The following PLEKHG4B variants were observed in gnomAD, a reference collection of about 807,000 sequenced individuals.
PLEKHG4B encodes pleckstrin homology domain-containing family G member 4B.
PLEKHG4B carries 111 observed loss-of-function variants against 121.3 expected under a neutral mutation model. That is an observed-to-expected ratio of 0.92 (90% CI 0.78 to 1.07). PLEKHG4B has a LOEUF of 1.07. PLEKHG4B is among the 50% of genes least tolerant of loss of function. The pLI is 0.00. For synonymous variants in PLEKHG4B, 738 were observed against 725.0 expected, an observed-to-expected ratio of 1.02 and a Z score of -0.29; for missense variants, 1,831 against 1,757.8, an observed-to-expected ratio of 1.04 and a Z score of -0.74.
At chr5:95,495 C>T (rs1286711449) in intron 1 of PLEKHG4B, among the ~76,000 whole-genome samples, 1 of 152,202 alleles carries the variant, frequency 6.6e-6, no homozygotes, top group Non-Finnish European at 1.5e-5. Context: ...TGCCAGATCT[C>T]GTTTACCCGG....
chr5:110,412 C>T (rs1270444684), intron 1 of PLEKHG4B, among the ~76,000 whole-genome samples: 6 of 150,482 alleles, frequency 4.0e-5, no homozygotes, highest in Non-Finnish European at 1.5e-5. Flanking sequence ...CACACACCCA[C>T]ACAATCTGCA....
intron 12 of PLEKHG4B, 96 bp downstream of exon 12, chr5:162,040 G>A: frequency 7.0e-7 from 1 of 1,436,690 alleles, no homozygotes; most frequent in East Asian, 2.5e-5. Flanking sequence ...AGTGGGCCAG[G>A]CTGTGGGACA....
Position 172,953 on chromosome 5 carries a change from C to A in PLEKHG4B, c.4107C>A (p.Cys1369Ter). ...LRCRDEFIVCCGRKKYLRHVF... is the reference protein window; with the variant it reads ...LRCRDEFIVC ...GCCGGGATGAGTTTATCGTTTGCTG[C>A]GGGAGGAAGAAGTATCTGAGGCATG... Residue 1369 changes from cysteine to a stop codon, truncating the protein, a stop_gained, in exon 17 of 20, where the codon TGC (cysteine) becomes TGA (stop). Coordinates refer to ENST00000637938, the MANE Select transcript of PLEKHG4B (RefSeq NM_052909.5). LOFTEE classifies it high-confidence loss of function. 1 of 1,614,092 alleles carries A rather than the reference C, an allele frequency of 6.2e-7. No homozygotes were observed. Among genetic ancestry groups the A allele is most frequent in the Non-Finnish European group, 8.5e-7 (1 of 1,180,014 alleles).
At chr5:105,537 A>G (rs1277109202) in intron 1 of PLEKHG4B, among the ~76,000 whole-genome samples, 1 of 152,222 alleles carries the variant, frequency 6.6e-6, no homozygotes, top group Non-Finnish European at 1.5e-5. Context: ...CATGCATGGC[A>G]GTGGTTTGGG....
chr5:150,608 AT>A (rs1167875568), intron 6 of PLEKHG4B, among the ~76,000 whole-genome samples: 1 of 152,226 alleles, frequency 6.6e-6, no homozygotes, highest in African/African-American at 2.4e-5. Flanking sequence ...CCAATAAAAT[AT>A]GGGAAAGGAT....
rs4956925 is a variant in PLEKHG4B at position 184,221 on chromosome 5, G to A, written c.*1898G>A. The A allele has an allele frequency of 0.67, 102,080 of 152,070 alleles. 34,926 individuals carry two copies. The highest frequency in any genetic ancestry group is 0.71 in the Non-Finnish European group (48,545 of 67,994). The allele number at this position is 152,070 out of a possible 1,614,324, so 9.4% of individuals were successfully genotyped here. A position where few individuals can be genotyped will look rare whatever the true frequency, so the allele number is the denominator to read the frequency against. ...AGAGGCCAAAGGCCTGAGAACCTGG[G>A]GGCCACTGGTATAAGTCTGAGTCCA... On this transcript the variant is annotated 3_prime_UTR_variant, in exon 20 of 20. Coordinates refer to ENST00000637938, the MANE Select transcript of PLEKHG4B (RefSeq NM_052909.5).
chr5:169,373 C>T lies in PLEKHG4B; in HGVS notation c.3510C>T (p.Ile1170=), dbSNP rs547910681. 26 of 1,614,088 alleles carry T rather than the reference C, an allele frequency of 1.6e-5. No individual in the cohort carries two copies. In the Admixed American group the frequency reaches 1.8e-4, roughly 11 times the overall value. Residue 1170 remains isoleucine, a synonymous_variant, in exon 14 of 20, where the codon ATC becomes ATT. Transcript: ENST00000637938. Reference sequence around the variant, plus strand: ...TGAGGCACATCATGGCCGAGATGATCGCCACAGAGAGGGAGTACATTCGGT... The same window carrying T: ...TGAGGCACATCATGGCCGAGATGATTGCCACAGAGAGGGAGTACATTCGGT... The part of the protein sequence containing the change: ...SRLRHIMAEM[I]ATEREYIRCL...
At chr5:146,741 C>T (rs1192125499) in intron 6 of PLEKHG4B, among the ~76,000 whole-genome samples, 1 of 145,502 alleles carries the variant, frequency 6.9e-6, no homozygotes, top group Non-Finnish European at 1.5e-5. Flanking sequence ...CTCCCCTGGC[C>T]CTACAGTCCT....
rs147854937 is a variant in PLEKHG4B, at chr5:172,038, C to T, written c.4050+594C>T. ...CTGAGAAATGGCCGGTGCGTGGGGG[C>T]GCTGGCTCCACTCTGGCCTGGGATG... On this transcript the variant is annotated intron_variant, in intron 16 of 19. Coordinates refer to ENST00000637938, the MANE Select transcript of PLEKHG4B (RefSeq NM_052909.5). Among the ~76,000 whole-genome samples the T allele has an allele frequency of 5.4e-3, 823 of 152,316 alleles. 7 individuals carry two copies. Among genetic ancestry groups the T allele is most frequent in the African/African-American group, 0.019 (788 of 41,570 alleles).
intron 2 of PLEKHG4B, among the ~76,000 whole-genome samples, chr5:128,336 T>C (rs1560912179): frequency 6.6e-6 from 1 of 152,192 alleles, no homozygotes; most frequent in African/African-American, 2.4e-5. Flanking sequence ...CAGAGTCAGA[T>C]TGGAAAGTCA....
intron 13 of PLEKHG4B, among the ~76,000 whole-genome samples, chr5:164,864 TCACAGTAATGCTCTGACGGGG>T (rs1560945589): frequency 3.1e-5 from 3 of 95,662 alleles, no homozygotes; most frequent in African/African-American, 9.5e-5. Context: ...GGGGCGGGGC[TCACAGTAATGCTCTGACGGGG>T]CGGAGCTCAC....
At chr5:163,699 A>G in intron 13 of PLEKHG4B, 151 bp downstream of exon 13, 1 of 720,690 alleles carries the variant, frequency 1.4e-6, no homozygotes, top group South Asian at 2.0e-5. Context: ...GAAGAAACAC[A>G]ATTTTAAACT....
intron 2 of PLEKHG4B, among the ~76,000 whole-genome samples, chr5:138,147 G>A (rs955878026): frequency 2.0e-5 from 3 of 152,134 alleles, no homozygotes; most frequent in East Asian, 1.9e-4. Flanking sequence ...CCTGGGACCC[G>A]CCCCCCACCG....
At chr5:101,167 T>A (rs899655735) in intron 1 of PLEKHG4B, among the ~76,000 whole-genome samples, 5 of 116,758 alleles carry the variant, frequency 4.3e-5, no homozygotes, top group Admixed American at 8.1e-5. Flanking sequence ...GTTGTGAGGT[T>A]AATCCATATA....
At chr5:123,780 C>CT (rs1227356293) in intron 2 of PLEKHG4B, among the ~76,000 whole-genome samples, 2 of 152,064 alleles carry the variant, frequency 1.3e-5, no homozygotes, top group Non-Finnish European at 2.9e-5. Flanking sequence ...GGTTTGTCAA[C>CT]TTTTTTTATC....
At chr5:96,409 T>C (rs1733628397) in intron 1 of PLEKHG4B, among the ~76,000 whole-genome samples, 1 of 152,266 alleles carries the variant, frequency 6.6e-6, no homozygotes, top group Non-Finnish European at 1.5e-5. Context: ...GAAATTATTT[T>C]CAAGTTGTTT....
intron 1 of PLEKHG4B, among the ~76,000 whole-genome samples, chr5:93,734 C>T (rs542825251): frequency 4.3e-4 from 66 of 152,316 alleles, no homozygotes; most frequent in African/African-American, 1.5e-3. Flanking sequence ...TTTGTGGGAT[C>T]TGTGGCACTG....
chr5:173,087 A>C lies in PLEKHG4B; in HGVS notation c.4221+20A>C. Reference sequence around the variant, plus strand: ...TTCAAGGTAGCACCCGCCCGGTCCGATTGGGTGCAGGCCGAGCCAGGCCCT... The same window carrying C: ...TTCAAGGTAGCACCCGCCCGGTCCGCTTGGGTGCAGGCCGAGCCAGGCCCT... On this transcript the variant is annotated intron_variant, in intron 17 of 19. Transcript: ENST00000637938. The C allele has an allele frequency of 1.2e-6, 2 of 1,610,974 alleles. No individual in the cohort carries two copies. The highest frequency in any genetic ancestry group is 4.5e-5 in the East Asian group (2 of 44,792).
rs1733678878 is a variant in PLEKHG4B, at chr5:188,123, G to A, written c.*5800G>A. 1 of 152,520 alleles carries A rather than the reference G, an allele frequency of 6.6e-6. No homozygotes were observed. Among genetic ancestry groups the A allele is most frequent in the South Asian group, 2.1e-4 (1 of 4,834 alleles). 9.4% of individuals were successfully genotyped at this position (152,520 alleles called of 1,614,324 possible). A position where few individuals can be genotyped will look rare whatever the true frequency, so the allele number is the denominator to read the frequency against. Reference sequence around the variant, plus strand: ...GGACGGATTCTGCTGCCAACCAGAGGTCCTGGGGCTGGCGGCGCTGGTGTG... The same window carrying A: ...GGACGGATTCTGCTGCCAACCAGAGATCCTGGGGCTGGCGGCGCTGGTGTG... On this transcript the variant is annotated 3_prime_UTR_variant, in exon 20 of 20. Coordinates refer to ENST00000637938, the MANE Select transcript of PLEKHG4B (RefSeq NM_052909.5).
Sources: allele counts gnomAD v4.1 joint callset (sites outside exome capture counted in the v4.1 genomes callset), GRCh38; gene constraint gnomAD v4.1.1; transcripts MANE v1.5; gene names NCBI Gene and HGNC (gene_info 2026-07-23, HGNC 2026-07-21).